The following GPC5 variants were observed in gnomAD, a reference collection of about 807,000 sequenced individuals.
The protein encoded by GPC5 is glypican 5.
A neutral mutation model predicts 53.9 loss-of-function variants in GPC5; 47 were observed. The observed-to-expected ratio is 0.87, with a 90% CI of 0.69 to 1.11. The LOEUF (loss-of-function observed/expected upper bound fraction) is 1.11. GPC5 is among the 50% of genes most tolerant of loss of function. The pLI, the probability that GPC5 is intolerant of heterozygous loss-of-function variation, is 0.00. For synonymous variants in GPC5, 286 were observed against 263.3 expected (o/e 1.09, Z -0.84); for missense variants, 748 against 713.1 (o/e 1.05, Z -0.56).
chr13:91,778,177 T>G (rs576313941), intron 5 of GPC5, among the ~76,000 whole-genome samples: 1 of 152,260 alleles, frequency 6.6e-6, no homozygotes, highest in Non-Finnish European at 1.5e-5. Flanking sequence ...TGAAAAAAAC[T>G]TAATAGGTGG....
In GPC5 at chr13:92,642,468, T is replaced by C. The variant is rs149157535; in HGVS notation, c.1562-223814T>C. ...TCTTCTTCCATTACATGGTAGTCCA[T>C]TGGTGTCTCAACAGGTCTGTATATT... On this transcript the variant is annotated intron_variant, in intron 7 of 7. Transcript: ENST00000377067. Among the ~76,000 whole-genome samples the C allele has an allele frequency of 1.9e-3, 284 of 152,308 alleles. 1 individual carries two copies. Among genetic ancestry groups the C allele is most frequent in the African/African-American group, 6.6e-3 (274 of 41,570 alleles).
intron 7 of GPC5, among the ~76,000 whole-genome samples, chr13:92,234,884 G>T (rs1231632846): frequency 6.6e-6 from 1 of 151,940 alleles, no homozygotes; most frequent in African/African-American, 2.4e-5. Flanking sequence ...GCATATTTGG[G>T]GATGGCATGG....
At chr13:92,080,849 C>T (rs545316828) in intron 6 of GPC5, among the ~76,000 whole-genome samples, 1 of 152,342 alleles carries the variant, frequency 6.6e-6, no homozygotes, top group South Asian at 2.1e-4. Context: ...ATCCTACACA[C>T]ATTCTTCTAA....
At chr13:92,746,121 C>CGTCTA (rs1889236933) in intron 7 of GPC5, among the ~76,000 whole-genome samples, 1 of 150,778 alleles carries the variant, frequency 6.6e-6, no homozygotes, top group African/African-American at 2.5e-5. Context: ...CCCATCCTGT[C>CGTCTA]GTCTAGTCAT....
At chr13:91,847,219 C>CAAAA (rs58401616) in intron 5 of GPC5, among the ~76,000 whole-genome samples, 2 of 86,014 alleles carry the variant, frequency 2.3e-5, no homozygotes, top group African/African-American at 4.8e-5. Flanking sequence ...GACTCCATCT[C>CAAAA]AAAAAAAAAA....
intron 7 of GPC5, among the ~76,000 whole-genome samples, chr13:92,514,917 C>T (rs964693476): frequency 2.6e-5 from 4 of 152,094 alleles, no homozygotes; most frequent in East Asian, 3.9e-4. Context: ...TTTCATGCAC[C>T]GTCATTGACT....
intron 6 of GPC5, among the ~76,000 whole-genome samples, chr13:92,054,038 A>AATAC (rs1594745471): frequency 8.1e-6 from 1 of 123,622 alleles, no homozygotes; most frequent in East Asian, 2.0e-4. Context: ...ATTTCAAATA[A>AATAC]ATAAATAAAT....
At chr13:92,007,089 A>G (rs971957159) in intron 6 of GPC5, among the ~76,000 whole-genome samples, 4 of 152,166 alleles carry the variant, frequency 2.6e-5, no homozygotes, top group Admixed American at 1.3e-4. Flanking sequence ...ATTTTAAACC[A>G]TAAAAGTTCA....
intron 7 of GPC5, among the ~76,000 whole-genome samples, chr13:92,244,806 G>T (rs191905251): frequency 1.4e-4 from 21 of 152,178 alleles, no homozygotes; most frequent in African/African-American, 5.1e-4. Context: ...TTGGGAGGCC[G>T]AGGTGGGTGG....
chr13:92,515,407 C>A (rs969996644), intron 7 of GPC5, among the ~76,000 whole-genome samples: 2 of 152,048 alleles, frequency 1.3e-5, no homozygotes, highest in Non-Finnish European at 2.9e-5. Context: ...TCATCTAATT[C>A]CAGAGATTTT....
At chr13:92,464,611 A>G (rs1878620265) in intron 7 of GPC5, among the ~76,000 whole-genome samples, 1 of 152,076 alleles carries the variant, frequency 6.6e-6, no homozygotes, top group Admixed American at 6.6e-5. Flanking sequence ...ACCTTGACTC[A>G]AGAATACCTG....
intron 7 of GPC5, among the ~76,000 whole-genome samples, chr13:92,809,988 C>T (rs1877235490): frequency 6.6e-6 from 1 of 151,954 alleles, no homozygotes; most frequent in East Asian, 1.9e-4. Context: ...ACAGAAAAAT[C>T]TTCTGCAACA....
At chr13:92,843,706 A>C (rs1470637603) in intron 7 of GPC5, among the ~76,000 whole-genome samples, 1 of 152,190 alleles carries the variant, frequency 6.6e-6, no homozygotes, top group Non-Finnish European at 1.5e-5. Context: ...CATTGCTTCC[A>C]AACACTATAT....
intron 5 of GPC5, among the ~76,000 whole-genome samples, chr13:91,857,990 C>T (rs1167285919): frequency 6.6e-6 from 1 of 151,362 alleles, no homozygotes; most frequent in Admixed American, 6.6e-5. Context: ...ATATATATAT[C>T]TTATGTGTTA....
At chr13:92,806,041 G>A (rs2138792595) in intron 7 of GPC5, among the ~76,000 whole-genome samples, 1 of 152,054 alleles carries the variant, frequency 6.6e-6, no homozygotes, top group African/African-American at 2.4e-5. Context: ...AGTCCTAGAT[G>A]GCATCTTCTT....
chr13:91,410,484 C>T lies in GPC5; in HGVS notation c.163+11275C>T, dbSNP rs190831969. 6.0e-3 allele frequency among the ~76,000 whole-genome samples: 898 copies of T among 150,394 alleles called. 3 individuals are homozygous for T. The highest frequency in any genetic ancestry group is 9.5e-3 in the Non-Finnish European group (640 of 67,502). On this transcript the variant is annotated intron_variant, in intron 1 of 7. Transcript: ENST00000377067. ...CCTCAGCCTCCTGAGTCGCTGGGACCACAGGCACCCGCCACCACACCTGGC... is the reference window on the plus strand; with the variant it reads ...CCTCAGCCTCCTGAGTCGCTGGGACTACAGGCACCCGCCACCACACCTGGC...
intron 7 of GPC5, among the ~76,000 whole-genome samples, chr13:92,586,982 A>ACACG (rs906450881): frequency 3.4e-5 from 5 of 145,104 alleles, no homozygotes; most frequent in African/African-American, 1.3e-4. Context: ...ACACACACGC[A>ACACG]CACACACTAC....
At chr13:92,292,073 T>C (rs2043000631) in intron 7 of GPC5, among the ~76,000 whole-genome samples, 2 of 152,374 alleles carry the variant, frequency 1.3e-5, no homozygotes, top group South Asian at 4.1e-4. Flanking sequence ...AGTTTCTTTA[T>C]CCACTTGTTG....
intron 7 of GPC5, among the ~76,000 whole-genome samples, chr13:92,541,257 A>G (rs1371624124): frequency 1.3e-5 from 2 of 151,978 alleles, no homozygotes; most frequent in South Asian, 2.1e-4. Context: ...GGGTGTTACT[A>G]TGGTGTTTGG....
Sources: gnomAD v4.1 joint callset for allele counts (sites outside exome capture counted in the v4.1 genomes callset) on GRCh38, gnomAD v4.1.1 for gene constraint, MANE v1.5 for transcripts, NCBI Gene and HGNC (gene_info 2026-07-23, HGNC 2026-07-21) for gene names.